Variants in PID1 observed in about 807,000 individuals in gnomAD.
PID1 encodes PTB-containing, cubilin and LRP1-interacting protein.
PID1 carries 10 observed loss-of-function variants against 19.1 expected under a neutral mutation model. The observed-to-expected ratio is 0.52, with a 90% CI of 0.32 to 0.89. The LOEUF (loss-of-function observed/expected upper bound fraction) is 0.89. Ranked by LOEUF, PID1 falls within the 40% of genes least tolerant of loss-of-function variation. PID1 has a pLI of 0.03. For synonymous variants in PID1, 130 were observed against 116.0 expected (o/e 1.12, Z -0.78); for missense variants, 248 against 285.3 (o/e 0.87, Z 0.94).
At chr2:229,157,352 C>T (rs1690394850) in intron 1 of PID1, among the ~76,000 whole-genome samples, 1 of 151,688 alleles carries the variant, frequency 6.6e-6, no homozygotes, top group Non-Finnish European at 1.5e-5. Context: ...ATCGCTTGAA[C>T]CTGGGAGGCG....
At chr2:229,047,867 G>A (rs1693915114) in intron 2 of PID1, among the ~76,000 whole-genome samples, 1 of 152,188 alleles carries the variant, frequency 6.6e-6, no homozygotes, top group African/African-American at 2.4e-5. Context: ...AAAGGTTTTT[G>A]AATGGCTTGG....
intron 1 of PID1, among the ~76,000 whole-genome samples, chr2:229,267,408 T>C (rs1690618066): frequency 1.3e-5 from 2 of 152,208 alleles, no homozygotes; most frequent in African/African-American, 2.4e-5. Context: ...GTAATCTCAG[T>C]GAAGACAGCT....
intron 2 of PID1, among the ~76,000 whole-genome samples, chr2:229,110,502 G>A (rs1442066895): frequency 6.6e-6 from 1 of 152,136 alleles, no homozygotes; most frequent in African/African-American, 2.4e-5. Context: ...TAGCACCAGG[G>A]AGGACATTCT....
chr2:229,143,403 T>C (rs1459843683), intron 2 of PID1, among the ~76,000 whole-genome samples: 2 of 152,106 alleles, frequency 1.3e-5, no homozygotes, highest in Non-Finnish European at 2.9e-5. Context: ...TTATCATCTG[T>C]CCTTATATCT....
chr2:229,033,387 T>C (rs190909734), intron 2 of PID1, among the ~76,000 whole-genome samples: 35 of 152,114 alleles, frequency 2.3e-4, no homozygotes, highest in African/African-American at 7.5e-4. Flanking sequence ...CTTCTAGAGG[T>C]CTCTCTTGAG....
intron 2 of PID1, among the ~76,000 whole-genome samples, chr2:229,033,158 G>C (rs376626020): frequency 4.6e-5 from 7 of 152,262 alleles, no homozygotes; most frequent in African/African-American, 1.2e-4. Context: ...TTTTGAACCT[G>C]ACTCACCTCA....
chr2:229,114,909 T>C (rs902854779), intron 2 of PID1, among the ~76,000 whole-genome samples: 25 of 152,344 alleles, frequency 1.6e-4, no homozygotes, highest in African/African-American at 5.5e-4. Context: ...TCTTAGTCAA[T>C]GATAGACCTA....
chr2:229,211,478 G>A (rs1008812641), intron 1 of PID1, among the ~76,000 whole-genome samples: 4 of 152,096 alleles, frequency 2.6e-5, no homozygotes, highest in South Asian at 2.1e-4. Context: ...CAGACTACAC[G>A]AGTAAAATTT....
chr2:229,061,720 T>G (rs891041124), intron 2 of PID1, among the ~76,000 whole-genome samples: 3 of 152,020 alleles, frequency 2.0e-5, no homozygotes, highest in African/African-American at 7.2e-5. Context: ...TTTAATAATA[T>G]TAATAGTTCC....
intron 1 of PID1, among the ~76,000 whole-genome samples, chr2:229,187,346 C>T (rs549015139): frequency 1.6e-4 from 25 of 152,220 alleles, no homozygotes; most frequent in African/African-American, 4.1e-4. Context: ...AAGACATACC[C>T]GAGACTGGGC....
intron 2 of PID1, among the ~76,000 whole-genome samples, chr2:229,098,876 T>C (rs1343431583): frequency 1.3e-5 from 2 of 152,212 alleles, no homozygotes; most frequent in African/African-American, 2.4e-5. Flanking sequence ...GTGCTTTTTT[T>C]CCAGTTGTCT....
chr2:229,079,767 A>G (rs139108094), intron 2 of PID1, among the ~76,000 whole-genome samples: 278 of 152,362 alleles, frequency 1.8e-3, no homozygotes, highest in African/African-American at 6.5e-3. Context: ...ATCCAAAGTT[A>G]AAAGAGCAGA....
At chr2:229,088,968 A>G (rs1260875556) in intron 2 of PID1, among the ~76,000 whole-genome samples, 1 of 152,202 alleles carries the variant, frequency 6.6e-6, no homozygotes, top group Non-Finnish European at 1.5e-5. Context: ...AGTGATTTCC[A>G]TAATTTTCTC....
intron 1 of PID1, among the ~76,000 whole-genome samples, chr2:229,260,081 C>A (rs1241745223): frequency 3.3e-5 from 5 of 152,112 alleles, no homozygotes; most frequent in Admixed American, 3.3e-4. Context: ...CTTCTCTGCA[C>A]CTTTGTCAAA....
At chr2:229,265,822 C>T (rs529423815) in intron 1 of PID1, among the ~76,000 whole-genome samples, 128 of 152,200 alleles carry the variant, frequency 8.4e-4, no homozygotes, top group African/African-American at 2.8e-3. Flanking sequence ...AGAATGGGGT[C>T]AGTGTGGAGG....
chr2:229,215,488 C>T (rs1239214030), intron 1 of PID1, among the ~76,000 whole-genome samples: 1 of 152,118 alleles, frequency 6.6e-6, no homozygotes, highest in African/African-American at 2.4e-5. Context: ...GTTTTAAATG[C>T]TTACTTAAAA....
chr2:229,263,546 C>A (rs933421647), intron 1 of PID1, among the ~76,000 whole-genome samples: 2 of 152,138 alleles, frequency 1.3e-5, no homozygotes, highest in African/African-American at 4.8e-5. Flanking sequence ...CTAGAACACC[C>A]ACCCTCAGGC....
chr2:229,120,838 C>T (rs1425900692), intron 2 of PID1, among the ~76,000 whole-genome samples: 1 of 151,750 alleles, frequency 6.6e-6, no homozygotes, highest in Admixed American at 6.6e-5. Flanking sequence ...AGTTCTTGCC[C>T]CTGTGAGACT....
intron 2 of PID1, among the ~76,000 whole-genome samples, chr2:229,048,503 T>C (rs1693927746): frequency 6.6e-6 from 1 of 152,064 alleles, no homozygotes; most frequent in Admixed American, 6.6e-5. Context: ...AAAGCAAAAT[T>C]TGCAAGTGGA....
Sources: gnomAD v4.1 joint callset for allele counts (sites outside exome capture counted in the v4.1 genomes callset) on GRCh38, gnomAD v4.1.1 for gene constraint, MANE v1.5 for transcripts, NCBI Gene and HGNC (gene_info 2026-07-23, HGNC 2026-07-21) for gene names.